Variants in GJA9 observed in about 807,000 individuals in gnomAD.
GJA9 encodes gap junction alpha-9 protein.
In GJA9, 1 loss-of-function variant was observed where a neutral mutation model predicts 0.4. The observed-to-expected ratio is 2.50, with a 90% CI of 0.89 to 11.88. The LOEUF (loss-of-function observed/expected upper bound fraction) is 11.88, where lower values mean the gene tolerates loss of function less well. GJA9 is among the 30% of genes most tolerant of loss of function. The pLI is 0.12. For synonymous variants in GJA9, 190 were observed against 219.1 expected (o/e 0.87, Z 1.17); for missense variants, 550 against 602.8 (o/e 0.91, Z 0.92).
At chr1:38,876,362 C>G (rs1642587794) in intron 1 of GJA9, 169 bp from the exon 2 acceptor site, 2 of 442,260 alleles carry the variant, frequency 4.5e-6, no homozygotes, top group South Asian at 6.1e-5. Flanking sequence ...CAGCCTCAAC[C>G]TCCCAGACTC....
At chr1:38,877,266 T>A (rs1557600917) in intron 1 of GJA9, among the ~76,000 whole-genome samples, 2 of 151,736 alleles carry the variant, frequency 1.3e-5, no homozygotes, top group African/African-American at 2.4e-5. Flanking sequence ...CTCGAACTCC[T>A]GACCTCAGGT....
At chr1:38,880,538 C>T (rs1431268967) in intron 1 of GJA9, among the ~76,000 whole-genome samples, 4 of 151,496 alleles carry the variant, frequency 2.6e-5, no homozygotes, top group Non-Finnish European at 5.9e-5. Flanking sequence ...AATCCCAGCA[C>T]TTTGGGAGGC....
rs1456615684 is a variant in GJA9 at position 38,875,399 on chromosome 1, C to G, written c.700G>C (p.Gly234Arg). The G allele has an allele frequency of 6.2e-7, 1 of 1,613,470 alleles. No homozygotes were observed. Among genetic ancestry groups the G allele is most frequent in the Admixed American group, 1.7e-5 (1 of 59,884 alleles). The change falls in exon 2 of 2, where the codon GGT becomes CGT. Residue 234 changes from glycine (G) to arginine (R), a missense_variant. By Grantham distance (125) the Gly-to-Arg change is moderately radical. Coordinates refer to ENST00000357771, the MANE Select transcript of GJA9 (RefSeq NM_030772.5). ...FLNILEIFHL[G>R]FKKIKRGLWG... is the part of the protein sequence containing the mutation. The stretch of plus-strand genomic sequence containing the variant: ...AGCCCTCTTTTAATCTTTTTAAAAC[C>G]TAGGTGGAAAATTTCAAGAATGTTT...
chr1:38,877,705 G>T (rs1642614975), intron 1 of GJA9, among the ~76,000 whole-genome samples: 1 of 151,872 alleles, frequency 6.6e-6, no homozygotes, highest in African/African-American at 2.4e-5. Context: ...CACCATGTTG[G>T]CCAGGATGAT....
Position 38,874,612 on chromosome 1 carries a change from T to C in GJA9, c.1487A>G (p.His496Arg), listed in dbSNP as rs757393058. The C allele has an allele frequency of 6.2e-7, 1 of 1,614,094 alleles. No individual in the cohort carries two copies. Among genetic ancestry groups the C allele is most frequent in the Non-Finnish European group, 8.5e-7 (1 of 1,180,056 alleles). The change falls in exon 2 of 2, where the codon CAC becomes CGC. Residue 496 changes from histidine to arginine, a missense_variant. Coordinates refer to ENST00000357771, the MANE Select transcript of GJA9 (RefSeq NM_030772.5). Reference sequence around the variant, plus strand: ...GAGATTGTTCGTTAGGGACACTACGTGATTTGGAGGACAAACAGGATTATT... The same window carrying C: ...GAGATTGTTCGTTAGGGACACTACGCGATTTGGAGGACAAACAGGATTATT... ...TCNNPVCPPN[H>R]VVSLTNNLIG...
Position 38,875,673 on chromosome 1 carries a change from C to G in GJA9, c.426G>C (p.Arg142Ser), listed in dbSNP as rs779407228. The change falls in exon 2 of 2, where the codon AGG (arginine) becomes AGC (serine). Residue 142 changes from arginine (R) to serine (S), a missense_variant. Coordinates refer to ENST00000357771, the MANE Select transcript of GJA9 (RefSeq NM_030772.5). Reference protein sequence around the residue: ...LEQELCQLEKRKLNKAPLRGT... With the variant: ...LEQELCQLEKSKLNKAPLRGT... ...CTCTGAGTGGAGCTTTATTTAGTTT[C>G]CTTTTCTCCAGCTGACAAAGCTCTT... 6.2e-5 allele frequency: 100 copies of G among 1,614,054 alleles called. No homozygotes were observed. The highest frequency in any genetic ancestry group is 8.1e-5 in the Non-Finnish European group (95 of 1,180,030).
rs1233571170 is a variant in GJA9 at position 38,874,084 on chromosome 1, AT to A, written c.*466del. On this transcript the variant is annotated 3_prime_UTR_variant, in exon 2 of 2. Transcript: ENST00000357771. Reference sequence around the variant, plus strand: ...AAGCCACGGATCTTCTTAAGATTTTATTTACTAGGTAGCAACATGTGATTAT... The same window carrying A: ...AAGCCACGGATCTTCTTAAGATTTTATTACTAGGTAGCAACATGTGATTAT... 4.2e-5 allele frequency: 15 copies of A among 360,284 alleles called. No homozygotes were observed. The highest frequency in any genetic ancestry group is 2.8e-4 in the African/African-American group (13 of 46,864). 22.3% of individuals were successfully genotyped at this position (360,284 alleles called of 1,614,324 possible). A position where few individuals can be genotyped will look rare whatever the true frequency, so the allele number is the denominator to read the frequency against.
Position 38,874,931 on chromosome 1 carries a change from T to C in GJA9, c.1168A>G (p.Ile390Val). ...RNYYSRGHRS[I>V]PGVAIDGENN... ...TCTCCATCTATAGCAACACCTGGAA[T>C]AGAACGGTGACCTCTAGAGTAGTAG... The change falls in exon 2 of 2, where the codon ATT (isoleucine) becomes GTT (valine). Residue 390 changes from isoleucine (I) to valine (V), a missense_variant. Physicochemically the swap from Ile to Val is conservative, Grantham distance 29 (BLOSUM62 3). Coordinates refer to ENST00000357771, the MANE Select transcript of GJA9 (RefSeq NM_030772.5). 1.2e-6 allele frequency: 2 copies of C among 1,614,248 alleles called. No homozygotes were observed. The highest frequency in any genetic ancestry group is 1.7e-6 in the Non-Finnish European group (2 of 1,180,036).
intron 1 of GJA9, among the ~76,000 whole-genome samples, chr1:38,878,683 A>G (rs912539168): frequency 1.3e-5 from 2 of 151,456 alleles, no homozygotes; most frequent in African/African-American, 2.4e-5. Flanking sequence ...TGTCTCAGAA[A>G]ACAAAAAGAA....
At chr1:38,876,348 C>T in intron 1 of GJA9, 155 bp from the exon 2 acceptor site, 1 of 477,292 alleles carries the variant, frequency 2.1e-6, no homozygotes. Context: ...ACCACAACTC[C>T]CTGCAGCCTC....
rs749996613 is a variant in GJA9, at chr1:38,875,210, A to T, written c.889T>A (p.Tyr297Asn). 7.4e-6 allele frequency: 12 copies of T among 1,614,020 alleles called. No individual in the cohort carries two copies. The Admixed American group carries it at 2.0e-4, about 27-fold the overall frequency. The change falls in exon 2 of 2, where the codon TAC becomes AAC. Residue 297 changes from tyrosine (Y) to asparagine (N), a missense_variant. Transcript: ENST00000357771. Reference protein sequence around the residue: ...LVEKQTHTAVYPSLNSSSVFQ... With the variant: ...LVEKQTHTAVNPSLNSSSVFQ... ...ACAGAAGATGAATTTAAACTAGGGT[A>T]CACTGCAGTGTGTGTTTGCTTTTCC...
Position 38,874,764 on chromosome 1 carries a change from GCCCTTGAGGTTA to G in GJA9, c.1323_1334del (p.Asn442_Gly445del). On this transcript the variant is annotated inframe_deletion, in exon 2 of 2. Coordinates refer to ENST00000357771, the MANE Select transcript of GJA9 (RefSeq NM_030772.5). ...TTCTGACTGTGCCCTTTCTGAACTG[GCCCTTGAGGTTA>G]CCTTTAGGAGGTGACCCCCGGTTTT... 4 of 1,614,160 alleles carry G rather than the reference GCCCTTGAGGTTA, an allele frequency of 2.5e-6. No individual in the cohort carries two copies. Among genetic ancestry groups the G allele is most frequent in the Non-Finnish European group, 3.4e-6 (4 of 1,180,036 alleles).
Position 38,875,416 on chromosome 1 carries a change from A to G in GJA9, c.683T>C (p.Leu228Pro), listed in dbSNP as rs1278704597. The change falls in exon 2 of 2, where the codon CTT becomes CCT. Residue 228 changes from leucine to proline, a missense_variant. Physicochemically the swap from Leu to Pro is moderately conservative, Grantham distance 98. Transcript: ENST00000357771. ...IATISLFLNI[L>P]EIFHLGFKKI... is the part of the protein sequence containing the mutation. ...TTTAAAACCTAGGTGGAAAATTTCA[A>G]GAATGTTTAAGAAAAGTGAAATAGT... The G allele has an allele frequency of 6.2e-7, 1 of 1,613,566 alleles. No individual in the cohort carries two copies. The highest frequency in any genetic ancestry group is 1.3e-5 in the African/African-American group (1 of 74,858).
At chr1:38,876,222 T>C (rs759991434) in intron 1 of GJA9, 29 bp from the exon 2 acceptor site, 197 of 752,676 alleles carry the variant, frequency 2.6e-4, no homozygotes, top group Non-Finnish European at 4.1e-4. Context: ...AATATGTCAC[T>C]TCTATATGCT....
intron 1 of GJA9, among the ~76,000 whole-genome samples, chr1:38,880,167 C>G (rs1230473691): frequency 6.7e-6 from 1 of 150,088 alleles, no homozygotes; most frequent in Non-Finnish European, 1.5e-5. Flanking sequence ...CTTTAGGAGG[C>G]CGAGGCCAGC....
chr1:38,875,504 C>G lies in GJA9; in HGVS notation c.595G>C (p.Asp199His). The G allele has an allele frequency of 1.2e-6, 2 of 1,614,062 alleles. No individual in the cohort carries two copies. The highest frequency in any genetic ancestry group is 1.7e-6 in the Non-Finnish European group (2 of 1,179,968). ...CHGHPCPNII[D>H]CFVSRPTEKT... ...TCTGTTGGTCTTGAGACAAAACAGT[C>G]GATTATATTTGGACACGGGTGGCCA... The change falls in exon 2 of 2, where the codon GAC becomes CAC. Residue 199 changes from aspartate to histidine, a missense_variant. Transcript: ENST00000357771.
Position 38,875,329 on chromosome 1 carries a change from G to A in GJA9, c.770C>T (p.Ala257Val), listed in dbSNP as rs533010431. ...KLKKEHNEFH[A>V]NKAKQNVAKY... ...GGCTACATTTTGTTTTGCCTTGTTT[G>A]CATGGAATTCATTATGTTCCTTCTT... is the stretch of plus-strand genomic sequence containing the variant. The change falls in exon 2 of 2, where the codon GCA becomes GTA. Residue 257 changes from alanine to valine, a missense_variant. Transcript: ENST00000357771. 1.5e-5 allele frequency: 24 copies of A among 1,612,012 alleles called. No homozygotes were observed. The East Asian group carries it at 4.9e-4, about 33-fold the overall frequency.
At chr1:38,880,440 TA>T (rs925653130) in intron 1 of GJA9, among the ~76,000 whole-genome samples, 5 of 135,224 alleles carry the variant, frequency 3.7e-5, no homozygotes, top group African/African-American at 1.3e-4. Context: ...ATAATAATAA[TA>T]ATAATAATAA....
chr1:38,879,961 C>G (rs1642661772), intron 1 of GJA9, among the ~76,000 whole-genome samples: 2 of 151,790 alleles, frequency 1.3e-5, no homozygotes, highest in African/African-American at 2.4e-5. Flanking sequence ...TCGTGATCCT[C>G]CCGCCTCGGC....
Sources: allele counts gnomAD v4.1 joint callset (sites outside exome capture counted in the v4.1 genomes callset), GRCh38; gene constraint gnomAD v4.1.1; transcripts MANE v1.5; gene names NCBI Gene and HGNC (gene_info 2026-07-23, HGNC 2026-07-21).